Variants in QTMAN observed in about 807,000 individuals in gnomAD.
The protein encoded by QTMAN is tRNA-queuosine alpha-mannosyltransferase.
the QTMAN span, among the ~76,000 whole-genome samples, chr2:144,278,011 T>C: frequency 6.6e-6 from 1 of 152,136 alleles, no homozygotes; most frequent in African/African-American, 2.4e-5. Context: ...AAAGATAGCA[T>C]CAAACACAGG....
At chr2:144,151,135 T>C in the QTMAN span, among the ~76,000 whole-genome samples, 1 of 152,174 alleles carries the variant, frequency 6.6e-6, no homozygotes, top group Non-Finnish European at 1.5e-5. Context: ...AAATCTTATA[T>C]GTACATTAGG....
At chr2:144,309,032 G>A in the QTMAN span, among the ~76,000 whole-genome samples, 17 of 152,152 alleles carry the variant, frequency 1.1e-4, no homozygotes, top group Middle Eastern at 3.4e-3. Flanking sequence ...CAACATCACT[G>A]GTAATCAGAA....
At chr2:144,264,787 C>G in the QTMAN span, among the ~76,000 whole-genome samples, 1 of 152,216 alleles carries the variant, frequency 6.6e-6, no homozygotes, top group Non-Finnish European at 1.5e-5. Flanking sequence ...CTGCCTCAAG[C>G]TAACTCAGGT....
At chr2:144,153,662 G>T in the QTMAN span, among the ~76,000 whole-genome samples, 1 of 152,150 alleles carries the variant, frequency 6.6e-6, no homozygotes, top group African/African-American at 2.4e-5. Context: ...CTGCACTCCA[G>T]CCTGGGCGAC....
the QTMAN span, among the ~76,000 whole-genome samples, chr2:144,247,537 A>G: frequency 1.9e-3 from 290 of 152,374 alleles, 1 homozygote; most frequent in Non-Finnish European, 3.8e-3. Flanking sequence ...TTCAAAGACC[A>G]TAACATAAAG....
the QTMAN span, among the ~76,000 whole-genome samples, chr2:144,023,786 A>C: frequency 1.3e-5 from 2 of 152,218 alleles, no homozygotes; most frequent in South Asian, 4.1e-4. Flanking sequence ...GTATACCTTT[A>C]ATCATATAAT....
At chr2:144,188,101 T>G in the QTMAN span, among the ~76,000 whole-genome samples, 1 of 152,090 alleles carries the variant, frequency 6.6e-6, no homozygotes, top group Non-Finnish European at 1.5e-5. Context: ...GCCCTGATAT[T>G]GGACTTCTGG....
chr2:143,987,088 A>C, the QTMAN span, among the ~76,000 whole-genome samples: 1 of 152,196 alleles, frequency 6.6e-6, no homozygotes, highest in Admixed American at 6.5e-5. Flanking sequence ...TCTTAAAATG[A>C]GGATTAGGTC....
chr2:143,952,972 C>A, the QTMAN span: 2 of 626,892 alleles, frequency 3.2e-6, no homozygotes, highest in Admixed American at 5.9e-5. Context: ...ACATGGTCGG[C>A]AGTATAATTC....
chr2:144,158,796 TAG>T, the QTMAN span, among the ~76,000 whole-genome samples: 2 of 152,140 alleles, frequency 1.3e-5, no homozygotes, highest in East Asian at 3.9e-4. Context: ...CTCATGCATA[TAG>T]AGGTATTGTG....
the QTMAN span, among the ~76,000 whole-genome samples, chr2:144,127,663 A>G: frequency 3.3e-5 from 5 of 151,960 alleles, no homozygotes; most frequent in African/African-American, 4.8e-5. Flanking sequence ...GACCTTATAC[A>G]TGGGAAGGGC....
At chr2:144,317,145 A>G in the QTMAN span, among the ~76,000 whole-genome samples, 1 of 152,134 alleles carries the variant, frequency 6.6e-6, no homozygotes, top group Non-Finnish European at 1.5e-5. Flanking sequence ...CTATCACAAC[A>G]CATTTAGATC....
the QTMAN span, among the ~76,000 whole-genome samples, chr2:144,081,851 C>T: frequency 2.0e-5 from 3 of 152,158 alleles, no homozygotes; most frequent in Middle Eastern, 3.4e-3. Context: ...CTATCATTTA[C>T]GGGTATATAC....
chr2:144,087,080 AT>A, the QTMAN span, among the ~76,000 whole-genome samples: 4 of 152,166 alleles, frequency 2.6e-5, no homozygotes, highest in South Asian at 2.1e-4. Context: ...AATTGATAAA[AT>A]TTTACTGAGT....
chr2:144,029,179 A>G, the QTMAN span, among the ~76,000 whole-genome samples: 1 of 152,144 alleles, frequency 6.6e-6, no homozygotes, highest in Non-Finnish European at 1.5e-5. Context: ...TATTAGAGGG[A>G]GACTATGTCT....
the QTMAN span, among the ~76,000 whole-genome samples, chr2:144,130,493 A>G: frequency 6.6e-6 from 1 of 152,006 alleles, no homozygotes; most frequent in African/African-American, 2.4e-5. Context: ...GTTGAGCTGG[A>G]TTACAATTTG....
the QTMAN span, among the ~76,000 whole-genome samples, chr2:144,108,038 T>C: frequency 6.6e-6 from 1 of 152,136 alleles, no homozygotes; most frequent in Admixed American, 6.6e-5. Flanking sequence ...GAAAAGGCCT[T>C]TGACAAAATT....
chr2:144,233,745 T>C, the QTMAN span, among the ~76,000 whole-genome samples: 1 of 152,322 alleles, frequency 6.6e-6, no homozygotes, highest in East Asian at 1.9e-4. Flanking sequence ...TTGTTTTCTT[T>C]GACAGGTCTT....
chr2:144,182,326 T>C, the QTMAN span, among the ~76,000 whole-genome samples: 1 of 151,910 alleles, frequency 6.6e-6, no homozygotes, highest in African/African-American at 2.4e-5. Context: ...TATGTGTGAC[T>C]TAAAAGCTTC....
Sources: allele counts gnomAD v4.1 joint callset (sites outside exome capture counted in the v4.1 genomes callset), GRCh38; gene constraint gnomAD v4.1.1; transcripts MANE v1.5; gene names NCBI Gene and HGNC (gene_info 2026-07-23, HGNC 2026-07-21).